Variants in ATAD2B observed in about 807,000 individuals in gnomAD.
The protein encoded by ATAD2B is ATPase family AAA domain containing 2B, also known as ATPase family AAA domain-containing protein 2B.
A neutral mutation model predicts 167.6 loss-of-function variants in ATAD2B; 40 were observed. The observed-to-expected ratio is 0.24, with a 90% CI of 0.19 to 0.31. ATAD2B has a LOEUF of 0.31. Ranked by LOEUF, ATAD2B falls within the 10% of genes least tolerant of loss-of-function variation. The pLI, the probability that ATAD2B is intolerant of heterozygous loss-of-function variation, is 1.00. For synonymous variants in ATAD2B, 579 were observed against 596.5 expected, an observed-to-expected ratio of 0.97 and a Z score of 0.43; for missense variants, 1,242 against 1,757.2, an observed-to-expected ratio of 0.71 and a Z score of 5.24.
chr2:23,693,575 C>A, the ATAD2B span: 2 of 1,525,794 alleles, frequency 1.3e-6, no homozygotes, highest in Non-Finnish European at 1.8e-6. Flanking sequence ...GTTTGGGGTC[C>A]CCCTGCGGCA....
At chr2:23,711,359 T>C in the ATAD2B span, among the ~76,000 whole-genome samples, 58 of 102,898 alleles carry the variant, frequency 5.6e-4, 7 homozygotes, top group East Asian at 3.9e-3. Flanking sequence ...TTTTTTTTTT[T>C]TTTTTTTTTT....
chr2:23,711,907 C>T, the ATAD2B span, among the ~76,000 whole-genome samples: 1 of 152,200 alleles, frequency 6.6e-6, no homozygotes, highest in Non-Finnish European at 1.5e-5. Context: ...CACACATTAA[C>T]TCATTCTATC....
At chr2:23,791,047 C>G (rs923803495) in intron 19 of ATAD2B, among the ~76,000 whole-genome samples, 2 of 152,210 alleles carry the variant, frequency 1.3e-5, no homozygotes, top group East Asian at 1.9e-4. Context: ...CATTTTGTAT[C>G]ATACAACTGA....
At chr2:23,714,865 A>T in the ATAD2B span, among the ~76,000 whole-genome samples, 1 of 152,038 alleles carries the variant, frequency 6.6e-6, no homozygotes, top group Non-Finnish European at 1.5e-5. Context: ...CAAAAAAAAA[A>T]AGAAAAATAT....
chr2:23,873,003 G>A (rs1696242118), intron 8 of ATAD2B: 1 of 708,792 alleles, frequency 1.4e-6, no homozygotes, highest in East Asian at 2.6e-5. Flanking sequence ...ACACCAGTTT[G>A]TAGGTGGCCA....
At chr2:23,709,492 C>T in the ATAD2B span, among the ~76,000 whole-genome samples, 2 of 152,164 alleles carry the variant, frequency 1.3e-5, no homozygotes, top group Admixed American at 6.5e-5. Context: ...AAAGGTAGAG[C>T]GCCAGATGGG....
intron 19 of ATAD2B, among the ~76,000 whole-genome samples, chr2:23,794,809 A>G (rs1476818889): frequency 1.3e-5 from 2 of 152,134 alleles, no homozygotes; most frequent in Non-Finnish European, 2.9e-5. Flanking sequence ...TAGTTTTATT[A>G]TAAACCATAT....
At chr2:23,776,199 T>C (rs865819668) in intron 22 of ATAD2B, among the ~76,000 whole-genome samples, 1 of 152,218 alleles carries the variant, frequency 6.6e-6, no homozygotes, top group African/African-American at 2.4e-5. Flanking sequence ...CAAATTGAAT[T>C]TGACATCCTG....
intron 2 of ATAD2B, among the ~76,000 whole-genome samples, chr2:23,892,345 T>C (rs1268180492): frequency 6.6e-6 from 1 of 152,122 alleles, no homozygotes; most frequent in Non-Finnish European, 1.5e-5. Flanking sequence ...TTGTATTTTT[T>C]AGTAGAGACG....
At chr2:23,841,900 C>A (rs942999226) in intron 13 of ATAD2B, among the ~76,000 whole-genome samples, 1 of 152,150 alleles carries the variant, frequency 6.6e-6, no homozygotes, top group Non-Finnish European at 1.5e-5. Context: ...AGTTGATGGA[C>A]ATTTGGGTTA....
chr2:23,736,911 G>A, the ATAD2B span, among the ~76,000 whole-genome samples: 12 of 152,310 alleles, frequency 7.9e-5, no homozygotes, highest in African/African-American at 2.2e-4. Flanking sequence ...CACCTGGCTC[G>A]GAGGGTCCTA....
intron 4 of ATAD2B, among the ~76,000 whole-genome samples, chr2:23,887,285 C>G (rs1392343418): frequency 6.6e-6 from 1 of 152,126 alleles, no homozygotes; most frequent in Non-Finnish European, 1.5e-5. Context: ...TGGTCTTGAA[C>G]TCCCGGGCAC....
At chr2:23,791,806 C>A (rs1042938410) in intron 19 of ATAD2B, among the ~76,000 whole-genome samples, 3 of 152,106 alleles carry the variant, frequency 2.0e-5, no homozygotes, top group African/African-American at 7.2e-5. Context: ...GATGTTTCCA[C>A]CTTTTGGTTA....
chr2:23,823,323 T>G lies in ATAD2B; in HGVS notation c.2066A>C (p.Asn689Thr), dbSNP rs1261543081. 6.2e-7 allele frequency: 1 copy of G among 1,613,794 alleles called. No homozygotes were observed. Residue 689 changes from asparagine to threonine, a missense_variant, in exon 16 of 28, where the codon AAC becomes ACC. Physicochemically the swap from Asn to Thr is moderately conservative, Grantham distance 65 (BLOSUM62 0). This residue lies in a region of ATAD2B where 145 missense variants were observed against 181.9 expected (regional missense o/e 0.80). Transcript: ENST00000238789. ...CACTTTTTGCAAGACTGCTAGGATG[T>G]TGTTGAAGCTTCTTTCCAGCAGTGG... Reference protein sequence around the residue: ...IRPLLERSFNNILAVLQKVFP... With the variant: ...IRPLLERSFNTILAVLQKVFP...
At chr2:23,724,183 G>C in the ATAD2B span, among the ~76,000 whole-genome samples, 1 of 152,156 alleles carries the variant, frequency 6.6e-6, no homozygotes, top group Non-Finnish European at 1.5e-5. Flanking sequence ...CAGCTAGATA[G>C]GAGGAATAGG....
At chr2:23,898,172 G>T (rs1398752921) in intron 1 of ATAD2B, among the ~76,000 whole-genome samples, 2 of 152,042 alleles carry the variant, frequency 1.3e-5, no homozygotes, top group Admixed American at 6.6e-5. Context: ...CAAACTCCTG[G>T]CCTCAAGCAA....
intron 13 of ATAD2B, among the ~76,000 whole-genome samples, chr2:23,851,334 T>G (rs940447771): frequency 1.3e-5 from 2 of 152,124 alleles, no homozygotes; most frequent in Non-Finnish European, 2.9e-5. Context: ...AGAGACACGG[T>G]TTTGCCACAT....
the ATAD2B span, among the ~76,000 whole-genome samples, chr2:23,680,793 C>G: frequency 6.6e-6 from 1 of 152,050 alleles, no homozygotes; most frequent in Non-Finnish European, 1.5e-5. This position sits in a 1 kb window ranked among gnomAD's most constrained non-coding sequence, Gnocchi z 4.1. Flanking sequence ...CTCCTGGGGT[C>G]TCTAGGCCAT....
chr2:23,841,572 GT>G (rs780575213), intron 13 of ATAD2B, among the ~76,000 whole-genome samples: 6 of 151,992 alleles, frequency 3.9e-5, no homozygotes, highest in Non-Finnish European at 5.9e-5. Context: ...CTGGAGTACG[GT>G]AGTATTATCA....
Sources: gnomAD v4.1 joint callset for allele counts (sites outside exome capture counted in the v4.1 genomes callset) on GRCh38, gnomAD v4.1.1 for gene constraint, gnomAD v4.1.1 regional missense constraint, Gnocchi (gnomAD v3.1) non-coding constraint, MANE v1.5 for transcripts, NCBI Gene and HGNC (gene_info 2026-07-23, HGNC 2026-07-21) for gene names.